MACROD2: variants seen among roughly 807,000 people sequenced by gnomAD.
The protein encoded by MACROD2 is ADP-ribose glycohydrolase MACROD2.
In MACROD2, 36 loss-of-function variants were observed where a neutral mutation model predicts 70.4. The observed-to-expected ratio is 0.51, with a 90% CI of 0.39 to 0.68. MACROD2 has a LOEUF of 0.68. Ranked by LOEUF, MACROD2 falls within the 30% of genes least tolerant of loss-of-function variation. MACROD2 has a pLI of 0.00. For synonymous variants in MACROD2, 172 were observed against 178.8 expected (o/e 0.96, Z 0.30); for missense variants, 496 against 538.4 (o/e 0.92, Z 0.78).
intron 8 of MACROD2, among the ~76,000 whole-genome samples, chr20:15,736,399 T>C: frequency 6.6e-6 from 1 of 152,186 alleles, no homozygotes; most frequent in East Asian, 1.9e-4. Flanking sequence ...CTTCATGAAG[T>C]TGGCAACACT....
intron 16 of MACROD2, among the ~76,000 whole-genome samples, chr20:16,041,625 C>T (rs74453367): frequency 0.012 from 1,830 of 152,044 alleles, 45 homozygotes; most frequent in African/African-American, 0.042. Flanking sequence ...GCCTACTTAG[C>T]CTCCTGTTAC....
chr20:14,121,421 G>T (rs531922692), intron 3 of MACROD2, among the ~76,000 whole-genome samples: 1 of 152,200 alleles, frequency 6.6e-6, no homozygotes, highest in Admixed American at 6.5e-5. Context: ...CTTTGTTACT[G>T]GTACTTAATA....
chr20:15,232,284 A>G (rs1260988691), intron 6 of MACROD2, among the ~76,000 whole-genome samples: 1 of 152,060 alleles, frequency 6.6e-6, no homozygotes, highest in African/African-American at 2.4e-5. Flanking sequence ...AACTTATCAC[A>G]ATAGATGGTA....
chr20:15,458,265 T>A (rs141251070), intron 7 of MACROD2, among the ~76,000 whole-genome samples: 49 of 152,248 alleles, frequency 3.2e-4, no homozygotes, highest in African/African-American at 1.1e-3. Flanking sequence ...ACAAATCACA[T>A]AGGAACCAAC....
chr20:15,471,698 T>G (rs890324611), intron 7 of MACROD2, among the ~76,000 whole-genome samples: 2 of 152,182 alleles, frequency 1.3e-5, no homozygotes, highest in African/African-American at 4.8e-5. Context: ...CCACCACATT[T>G]TTTTTGTATC....
At chr20:14,357,266 A>G (rs1278299015) in intron 3 of MACROD2, among the ~76,000 whole-genome samples, 1 of 152,194 alleles carries the variant, frequency 6.6e-6, no homozygotes, top group Non-Finnish European at 1.5e-5. Flanking sequence ...CTTATCCACT[A>G]ACAGCAGCAA....
chr20:15,768,541 C>T (rs2051566949), intron 8 of MACROD2, among the ~76,000 whole-genome samples: 2 of 152,100 alleles, frequency 1.3e-5, no homozygotes, highest in South Asian at 4.1e-4. Context: ...ATGTGAAGTC[C>T]TCAAACATTA....
chr20:15,561,156 G>A (rs553582684), intron 8 of MACROD2, among the ~76,000 whole-genome samples: 47 of 152,286 alleles, frequency 3.1e-4, no homozygotes, highest in African/African-American at 1.1e-3. Context: ...ATCATTCATG[G>A]TCTTTTCACA....
chr20:15,307,447 TTACA>T (rs1415000514), intron 6 of MACROD2, among the ~76,000 whole-genome samples: 1 of 152,216 alleles, frequency 6.6e-6, no homozygotes, highest in Non-Finnish European at 1.5e-5. Flanking sequence ...CCTCAAGTGT[TTACA>T]TTGTTCCATG....
At chr20:14,151,861 G>A (rs1330257341) in intron 3 of MACROD2, among the ~76,000 whole-genome samples, 5 of 110,950 alleles carry the variant, frequency 4.5e-5, no homozygotes, top group Admixed American at 2.8e-4. Context: ...TTGCTCTGTC[G>A]CCCAGGCTGG....
At position 14,514,110 on chromosome 20, in the gene MACROD2, A is replaced by C. The variant is rs372280484; in HGVS notation, c.301+20602A>C. 8.5e-5 allele frequency among the ~76,000 whole-genome samples: 13 copies of C among 152,190 alleles called. No homozygotes were observed. The South Asian group carries it at 2.7e-3, about 32-fold the overall frequency. On this transcript the variant is annotated intron_variant, in intron 4 of 17. Coordinates refer to ENST00000684519, the MANE Select transcript of MACROD2 (RefSeq NM_001351661.2). ...CTCTTCTGTCACTTTCTGAACCAAA[A>C]TTTCTAGCCTCATTACACTGTGAGA...
chr20:14,366,180 A>G (rs2083270005), intron 3 of MACROD2, among the ~76,000 whole-genome samples: 2 of 152,118 alleles, frequency 1.3e-5, no homozygotes, highest in Non-Finnish European at 2.9e-5. Flanking sequence ...TATTCTATTT[A>G]TTGTTAAAAG....
intron 6 of MACROD2, among the ~76,000 whole-genome samples, chr20:15,408,613 C>T (rs563211854): frequency 6.6e-5 from 10 of 152,272 alleles, no homozygotes; most frequent in Non-Finnish European, 8.8e-5. Flanking sequence ...TCCATTCAGC[C>T]GCTGAGATCA....
intron 6 of MACROD2, among the ~76,000 whole-genome samples, chr20:15,407,173 T>C (rs2046014261): frequency 6.6e-6 from 1 of 152,184 alleles, no homozygotes; most frequent in African/African-American, 2.4e-5. Flanking sequence ...GCTGGAGACT[T>C]CCTGCAACTC....
At chr20:14,474,918 A>G (rs767152149) in intron 3 of MACROD2, among the ~76,000 whole-genome samples, 7 of 152,008 alleles carry the variant, frequency 4.6e-5, no homozygotes, top group African/African-American at 1.2e-4. Context: ...CAGCCACTCT[A>G]TGTTTTCTAA....
chr20:14,431,783 T>C (rs2083997253), intron 3 of MACROD2, among the ~76,000 whole-genome samples: 1 of 152,126 alleles, frequency 6.6e-6, no homozygotes, highest in African/African-American at 2.4e-5. Flanking sequence ...CTGAAAGTGG[T>C]TTATCAGAGT....
intron 15 of MACROD2, among the ~76,000 whole-genome samples, chr20:16,006,782 T>C (rs1250191784): frequency 6.6e-6 from 1 of 152,200 alleles, no homozygotes; most frequent in Middle Eastern, 3.2e-3. Flanking sequence ...ATGTCTAGTT[T>C]CTCATTACCA....
At chr20:15,196,841 T>C (rs1487785242) in intron 5 of MACROD2, 1 of 985,154 alleles carries the variant, frequency 1.0e-6, no homozygotes, top group Non-Finnish European at 1.2e-6. Flanking sequence ...CTGAGTCTTA[T>C]CCATACCAGA....
At chr20:15,157,962 T>C (rs1053139944) in intron 5 of MACROD2, among the ~76,000 whole-genome samples, 1 of 152,140 alleles carries the variant, frequency 6.6e-6, no homozygotes, top group African/African-American at 2.4e-5. Flanking sequence ...TTTACAACTT[T>C]GAAAATAGCC....
Sources: gnomAD v4.1 joint callset for allele counts (sites outside exome capture counted in the v4.1 genomes callset) on GRCh38, gnomAD v4.1.1 for gene constraint, MANE v1.5 for transcripts, NCBI Gene and HGNC (gene_info 2026-07-23, HGNC 2026-07-21) for gene names.